Variants in KLHL1 observed in about 807,000 individuals in gnomAD.
KLHL1 encodes the protein kelch-like protein 1.
Under a neutral mutation model 77.7 loss-of-function variants are expected in KLHL1, and 47 were observed. That is an observed-to-expected ratio of 0.60 (90% confidence interval 0.48 to 0.77). The LOEUF is 0.77. KLHL1 is among the 30% of genes least tolerant of loss of function. The probability of loss-of-function intolerance (pLI) is 0.00; values close to 1 mark genes in which losing one functional copy is unlikely to be tolerated. For synonymous variants in KLHL1, 360 were observed against 325.2 expected, an observed-to-expected ratio of 1.11 and a Z score of -1.15; for missense variants, 925 against 910.8, an observed-to-expected ratio of 1.02 and a Z score of -0.20.
At chr13:70,097,715 A>C (rs1766942065) in intron 1 of KLHL1, among the ~76,000 whole-genome samples, 6 of 151,910 alleles carry the variant, frequency 3.9e-5, no homozygotes, top group Admixed American at 3.9e-4. Context: ...TCACAATTGC[A>C]AACTATAAGG....
chr13:69,823,492 T>C (rs951328961), intron 6 of KLHL1, among the ~76,000 whole-genome samples: 6 of 152,008 alleles, frequency 3.9e-5, no homozygotes, highest in Non-Finnish European at 8.8e-5. Context: ...TTATTTACAT[T>C]TCTAATAAAT....
Position 69,744,665 on chromosome 13 carries a change from C to A in KLHL1, c.1640-4109G>T, listed in dbSNP as rs74090441. ...CAACTTCCCGAAAGGTACACCCCCC[C>A]CAAAAGCTAACCGTATTTTTTTCAG... On this transcript the variant is annotated intron_variant, in intron 7 of 10. Coordinates refer to ENST00000377844, the MANE Select transcript of KLHL1 (RefSeq NM_020866.3). 1.4e-4 allele frequency among the ~76,000 whole-genome samples: 21 copies of A among 151,778 alleles called. No individual in the cohort carries two copies. In the East Asian group the frequency reaches 2.3e-3, roughly 17 times the overall value.
intron 5 of KLHL1, among the ~76,000 whole-genome samples, chr13:69,846,593 C>A (rs1879467618): frequency 6.6e-6 from 1 of 151,222 alleles, no homozygotes; most frequent in Non-Finnish European, 1.5e-5. Context: ...GCTTTATTAA[C>A]AAGTTCATTT....
chr13:69,894,907 C>T (rs574505507), intron 4 of KLHL1: 12 of 404,270 alleles, frequency 3.0e-5, no homozygotes, highest in African/African-American at 1.2e-4. Context: ...ATGCACCTTG[C>T]GGTTGAGCAG....
intron 3 of KLHL1, among the ~76,000 whole-genome samples, chr13:69,948,829 T>C (rs1883613514): frequency 6.6e-6 from 1 of 151,918 alleles, no homozygotes; most frequent in African/African-American, 2.4e-5. Flanking sequence ...TCCAAAGGTA[T>C]TGTTTTAGGA....
In KLHL1 at chr13:70,009,212, G is replaced by A. The variant is rs549710389; in HGVS notation, c.498-33410C>T. ...AAGACAAACCAAGGACAACAGTGTC[G>A]TAGTGCTTTGAACGAAGACTACACA... On this transcript the variant is annotated intron_variant, in intron 1 of 10. Transcript: ENST00000377844. Among the ~76,000 whole-genome samples the A allele has an allele frequency of 2.4e-4, 37 of 152,144 alleles. No individual in the cohort carries two copies. The South Asian group carries it at 6.6e-3, about 27-fold the overall frequency.
At chr13:69,988,716 T>C (rs1427159449) in intron 1 of KLHL1, among the ~76,000 whole-genome samples, 1 of 152,168 alleles carries the variant, frequency 6.6e-6, no homozygotes, top group Admixed American at 6.6e-5. Context: ...TGATTAGTGA[T>C]ATTGAACATT....
chr13:70,019,855 T>C (rs1162838385), intron 1 of KLHL1, among the ~76,000 whole-genome samples: 1 of 152,188 alleles, frequency 6.6e-6, no homozygotes, highest in African/African-American at 2.4e-5. Context: ...TGTTAAGATA[T>C]GTATATGGCT....
At chr13:69,877,604 T>G (rs1880817154) in intron 5 of KLHL1, among the ~76,000 whole-genome samples, 1 of 152,140 alleles carries the variant, frequency 6.6e-6, no homozygotes, top group African/African-American at 2.4e-5. Context: ...CATAACTTAT[T>G]TTTTTAAATA....
At chr13:70,074,420 T>C (rs905652526) in intron 1 of KLHL1, among the ~76,000 whole-genome samples, 1 of 151,992 alleles carries the variant, frequency 6.6e-6, no homozygotes, top group African/African-American at 2.4e-5. Flanking sequence ...TGTCTCCTCT[T>C]AGATAACTTA....
chr13:70,018,143 G>A (rs1189853189), intron 1 of KLHL1, among the ~76,000 whole-genome samples: 1 of 152,066 alleles, frequency 6.6e-6, no homozygotes, highest in East Asian at 1.9e-4. Context: ...CTTACGGGAA[G>A]CTAAATAACA....
chr13:69,979,721 G>A (rs1297800041), intron 1 of KLHL1, among the ~76,000 whole-genome samples: 1 of 152,072 alleles, frequency 6.6e-6, no homozygotes, highest in African/African-American at 2.4e-5. Flanking sequence ...ACAATACAAA[G>A]CTTGAAGTTA....
At chr13:69,739,043 T>C (rs1359182631) in intron 8 of KLHL1, among the ~76,000 whole-genome samples, 1 of 152,158 alleles carries the variant, frequency 6.6e-6, no homozygotes, top group Non-Finnish European at 1.5e-5. Flanking sequence ...ATCAGACTAA[T>C]AGCAGACCTC....
In KLHL1 at chr13:70,107,276, C is replaced by T. The variant is rs145170424; in HGVS notation, c.424G>A (p.Gly142Arg). 8 of 1,613,986 alleles carry T rather than the reference C, an allele frequency of 5.0e-6. No individual in the cohort carries two copies. The highest frequency in any genetic ancestry group is 6.8e-6 in the Non-Finnish European group (8 of 1,180,014). Reference protein sequence around the residue: ...GMDFPGPHEKGLVLQELKVEP... With the variant: ...GMDFPGPHEKRLVLQELKVEP... Reference sequence around the variant, plus strand: ...ACTTTGAGCTCTTGCAGAACCAGCCCTTTTTCGTGTGGTCCAGGAAAGTCC... The same window carrying T: ...ACTTTGAGCTCTTGCAGAACCAGCCTTTTTTCGTGTGGTCCAGGAAAGTCC... The change falls in exon 1 of 11, where the codon GGG (glycine) becomes AGG (arginine). Residue 142 changes from glycine to arginine, a missense_variant. By Grantham distance (125) the Gly-to-Arg change is moderately radical. Coordinates refer to ENST00000377844, the MANE Select transcript of KLHL1 (RefSeq NM_020866.3).
chr13:69,824,939 T>C (rs545089830), intron 6 of KLHL1, among the ~76,000 whole-genome samples: 2 of 152,158 alleles, frequency 1.3e-5, no homozygotes, highest in Non-Finnish European at 2.9e-5. Flanking sequence ...TGAAATCTAA[T>C]GATAATATGT....
At chr13:69,968,885 AAAG>A (rs1189921923) in intron 2 of KLHL1, among the ~76,000 whole-genome samples, 1 of 152,152 alleles carries the variant, frequency 6.6e-6, no homozygotes, top group Non-Finnish European at 1.5e-5. Context: ...ATAATAAAAA[AAAG>A]AAGTGCTCAA....
At chr13:69,863,382 T>G (rs1012889741) in intron 5 of KLHL1, among the ~76,000 whole-genome samples, 1 of 74,036 alleles carries the variant, frequency 1.4e-5, no homozygotes, top group Non-Finnish European at 2.7e-5. Context: ...TACAGAGAAT[T>G]AAAACAAAAT....
chr13:70,057,805 A>G (rs1886785586), intron 1 of KLHL1, among the ~76,000 whole-genome samples: 1 of 147,724 alleles, frequency 6.8e-6, no homozygotes, highest in South Asian at 2.2e-4. Context: ...AAAAAAAAAA[A>G]GAAAGAAAGA....
At chr13:70,024,424 G>A (rs1885880055) in intron 1 of KLHL1, among the ~76,000 whole-genome samples, 1 of 151,858 alleles carries the variant, frequency 6.6e-6, no homozygotes, top group African/African-American at 2.4e-5. Context: ...CTTGCCATGA[G>A]TGTTTTTCAC....
Sources: allele counts gnomAD v4.1 joint callset (sites outside exome capture counted in the v4.1 genomes callset), GRCh38; gene constraint gnomAD v4.1.1; transcripts MANE v1.5; gene names NCBI Gene and HGNC (gene_info 2026-07-23, HGNC 2026-07-21).